PLEKHG6: variants seen among roughly 807,000 people sequenced by gnomAD.
PLEKHG6 encodes the protein pleckstrin homology and RhoGEF domain containing G6, also known as pleckstrin homology domain-containing family G member 6.
A neutral mutation model predicts 97.5 loss-of-function variants in PLEKHG6; 91 were observed. That is an observed-to-expected ratio of 0.93 (90% CI 0.79 to 1.11). The LOEUF (loss-of-function observed/expected upper bound fraction) is 1.11. Ranked by LOEUF, PLEKHG6 falls within the 50% of genes most tolerant of loss-of-function variation. PLEKHG6 has a pLI of 0.00. For missense variants in PLEKHG6, 1,044 were observed against 1,031.0 expected (o/e 1.01, Z -0.17); for synonymous variants, 466 against 425.5 (o/e 1.10, Z -1.17).
Position 6,315,708 on chromosome 12 carries a change from C to A in PLEKHG6, c.555+59C>A. 7.8e-7 allele frequency: 1 copy of A among 1,286,746 alleles called. No homozygotes were observed. Among genetic ancestry groups the A allele is most frequent in the Non-Finnish European group, 1.1e-6 (1 of 917,894 alleles). 79.7% of individuals were successfully genotyped at this position (1,286,746 alleles called of 1,614,324 possible). A position where few individuals can be genotyped will look rare whatever the true frequency, so the allele number is the denominator to read the frequency against. ...CTTCCCTGCATGAGCCCCCATCCTC[C>A]CAGACTGGAAGGCAGGTCACTGGGG... is the stretch of plus-strand genomic sequence containing the variant. On this transcript the variant is annotated intron_variant, in intron 5 of 15. Transcript: ENST00000684764. The surrounding 1 kb of genome is among the most constrained non-coding windows in gnomAD (Gnocchi z 4.5).
Position 6,317,996 on chromosome 12 carries a change from T to C in PLEKHG6, c.1155+2T>C. 6.3e-7 allele frequency: 1 copy of C among 1,586,458 alleles called. No homozygotes were observed. The highest frequency in any genetic ancestry group is 1.2e-5 in the South Asian group (1 of 86,908). On this transcript the variant is annotated splice_donor_variant, in intron 10 of 15. Transcript: ENST00000684764. LOFTEE classifies it high-confidence loss of function. ...CCACCCAGTGATGAGGTGGAGAAGGTGAGAGGGCAAAGGGAAGGGACCCAG... is the reference window on the plus strand; with the variant it reads ...CCACCCAGTGATGAGGTGGAGAAGGCGAGAGGGCAAAGGGAAGGGACCCAG...
chr12:6,319,551 GAC>G, intron 13 of PLEKHG6: 1 of 1,533,292 alleles, frequency 6.5e-7, no homozygotes. Context: ...TTTCAGACTG[GAC>G]AATCTGATGT....
At chr12:6,320,089 T>C (rs1330631825) in intron 13 of PLEKHG6, among the ~76,000 whole-genome samples, 1 of 152,080 alleles carries the variant, frequency 6.6e-6, no homozygotes, top group Non-Finnish European at 1.5e-5. Flanking sequence ...ACTGCCCCCA[T>C]TGGTATTGCT....
chr12:6,313,599 C>A (rs535633886), intron 2 of PLEKHG6, 30 bp from the exon 3 acceptor site: 3 of 1,611,962 alleles, frequency 1.9e-6, no homozygotes, highest in East Asian at 2.2e-5. Context: ...AAGGGAGGCA[C>A]CCCCAGAACT....
In PLEKHG6 at chr12:6,318,189, G is replaced by A. The variant is rs2286715; in HGVS notation, c.1156-112G>A. On this transcript the variant is annotated intron_variant, in intron 10 of 15. Transcript: ENST00000684764. ...CCCTGGGAGGCTTTCTCTAGCCCAT[G>A]GGGGAAGGATACAAACAGAAAGGTG... 4.1e-3 allele frequency: 6,267 copies of A among 1,539,206 alleles called. 119 individuals are homozygous for A. The highest frequency in any genetic ancestry group is 0.034 in the South Asian group (2,876 of 85,574).
chr12:6,321,781 C>A (rs1424394146), intron 13 of PLEKHG6, among the ~76,000 whole-genome samples: 2 of 135,920 alleles, frequency 1.5e-5, no homozygotes, highest in Non-Finnish European at 3.1e-5. Flanking sequence ...GAGCCGAGAT[C>A]GCGCCACTGC....
Position 6,318,282 on chromosome 12 carries a change from T to G in PLEKHG6, c.1156-19T>G. 6.2e-7 allele frequency: 1 copy of G among 1,613,660 alleles called. No homozygotes were observed. The highest frequency in any genetic ancestry group is 8.5e-7 in the Non-Finnish European group (1 of 1,179,924). ...GCAGACTGCCGAGCGCCCTGACCCCTCCCCTCTGTGTCCCTCAGAACCTGC... is the reference window on the plus strand; with the variant it reads ...GCAGACTGCCGAGCGCCCTGACCCCGCCCCTCTGTGTCCCTCAGAACCTGC... On this transcript the variant is annotated intron_variant, in intron 10 of 15. Coordinates refer to ENST00000684764, the MANE Select transcript of PLEKHG6 (RefSeq NM_001384598.1).
Position 6,315,234 on chromosome 12 carries a change from T to G in PLEKHG6, c.459+65T>G. 2 of 1,485,664 alleles carry G rather than the reference T, an allele frequency of 1.3e-6. No individual in the cohort carries two copies. The highest frequency in any genetic ancestry group is 1.8e-6 in the Non-Finnish European group (2 of 1,097,864). The allele number at this position is 1,485,664 out of a possible 1,614,324, so 92.0% of individuals were successfully genotyped here. A position where few individuals can be genotyped will look rare whatever the true frequency, so the allele number is the denominator to read the frequency against. Reference sequence around the variant, plus strand: ...GTGAATGCACACACAGATTCTGCTCTAGAGGAGGGAAAGGCCTTGGGAAGT... The same window carrying G: ...GTGAATGCACACACAGATTCTGCTCGAGAGGAGGGAAAGGCCTTGGGAAGT... On this transcript the variant is annotated intron_variant, in intron 4 of 15. Coordinates refer to ENST00000684764, the MANE Select transcript of PLEKHG6 (RefSeq NM_001384598.1). The surrounding 1 kb of genome is among the most constrained non-coding windows in gnomAD (Gnocchi z 4.5).
intron 2 of PLEKHG6, chr12:6,313,288 C>T: frequency 8.8e-7 from 1 of 1,139,106 alleles, no homozygotes; most frequent in South Asian, 1.3e-5. Flanking sequence ...CATGCACCCC[C>T]CATGGTACGG....
rs369970741 is a variant in PLEKHG6, at chr12:6,326,645, C to T, written c.1670+72C>T. The T allele has an allele frequency of 2.8e-5, 37 of 1,332,862 alleles. 1 individual carries two copies. The African/African-American group carries it at 5.0e-4, about 18-fold the overall frequency. 82.6% of individuals were successfully genotyped at this position (1,332,862 alleles called of 1,614,324 possible). A position where few individuals can be genotyped will look rare whatever the true frequency, so the allele number is the denominator to read the frequency against. On this transcript the variant is annotated intron_variant, in intron 14 of 15. Transcript: ENST00000684764. ...GCCATAAGGCTGAGAAATGGCATTA[C>T]TGCACATTTTTGGTGGAATTGGGAA...
intron 8 of PLEKHG6, 30 bp downstream of exon 8, chr12:6,317,443 G>A (rs757672653): frequency 2.5e-6 from 4 of 1,607,980 alleles, no homozygotes; most frequent in African/African-American, 1.3e-5. Flanking sequence ...GGAGGGGGAC[G>A]GGTGCATCTT....
Position 6,317,574 on chromosome 12 carries a change from A to T in PLEKHG6, c.895A>T (p.Arg299Trp). The T allele has an allele frequency of 1.2e-6, 2 of 1,613,872 alleles. No homozygotes were observed. Among genetic ancestry groups the T allele is most frequent in the Non-Finnish European group, 1.7e-6 (2 of 1,180,006 alleles). Reference protein sequence around the residue: ...QWCEKHKRSGRQMLCDLLIKP... With the variant: ...QWCEKHKRSGWQMLCDLLIKP... ...GTGTGAGAAGCACAAGCGCTCTGGGAGGCAGATGCTCTGTGACTTGCTTAT... is the reference window on the plus strand; with the variant it reads ...GTGTGAGAAGCACAAGCGCTCTGGGTGGCAGATGCTCTGTGACTTGCTTAT... The change falls in exon 9 of 16, where the codon AGG (arginine) becomes TGG (tryptophan). Residue 299 changes from arginine (R) to tryptophan (W), a missense_variant. Transcript: ENST00000684764.
At chr12:6,318,212 GTGT>G in intron 10 of PLEKHG6, 86 bp from the exon 11 acceptor site, 1 of 1,585,040 alleles carries the variant, frequency 6.3e-7, no homozygotes, top group Non-Finnish European at 8.6e-7. Context: ...AAACAGAAAG[GTGT>G]TGGTGGCAGA....
chr12:6,315,090 G>A lies in PLEKHG6; in HGVS notation c.380G>A (p.Arg127Gln), dbSNP rs770005727. 49 of 1,613,372 alleles carry A rather than the reference G, an allele frequency of 3.0e-5. No homozygotes were observed. In the East Asian group the frequency reaches 6.9e-4, roughly 23 times the overall value. The change falls in exon 4 of 16, where the codon CGG becomes CAG. Residue 127 changes from arginine (R) to glutamine (Q), a missense_variant. By Grantham distance (43) the Arg-to-Gln change is conservative. Coordinates refer to ENST00000684764, the MANE Select transcript of PLEKHG6 (RefSeq NM_001384598.1). The surrounding 1 kb of genome is among the most constrained non-coding windows in gnomAD (Gnocchi z 4.5). ...CCCCGGCTGCCCCCTGAGGACCGGC[G>A]GCACTGGGAGATAGGAGAGGGTGGC... ...GMPRLPPEDR[R>Q]HWEIGEGGDS...
intron 13 of PLEKHG6, among the ~76,000 whole-genome samples, chr12:6,325,716 TACCATCACC>T (rs771694748): frequency 1.3e-5 from 2 of 152,122 alleles, no homozygotes; most frequent in African/African-American, 2.4e-5. Flanking sequence ...ACACTTATTC[TACCATCACC>T]ACCAACCAGG....
At chr12:6,317,063 G>A (rs1297246997) in intron 7 of PLEKHG6, among the ~76,000 whole-genome samples, 1 of 152,230 alleles carries the variant, frequency 6.6e-6, no homozygotes, top group African/African-American at 2.4e-5. Flanking sequence ...ACTGTGGATA[G>A]AGGGAGCTCA....
chr12:6,326,134 A>G (rs7313550), intron 13 of PLEKHG6, among the ~76,000 whole-genome samples: 78,322 of 151,588 alleles, frequency 0.52, 20,900 homozygotes, highest in African/African-American at 0.65. Context: ...GTGAAACCCC[A>G]TCTCTACTAA....
chr12:6,317,141 G>A (rs1004683499), intron 7 of PLEKHG6, among the ~76,000 whole-genome samples, 162 bp from the exon 8 acceptor site: 1 of 152,216 alleles, frequency 6.6e-6, no homozygotes, highest in Non-Finnish European at 1.5e-5. Flanking sequence ...GCGTAGCCTC[G>A]AGAGCATTCC....
At position 6,315,155 on chromosome 12, in the gene PLEKHG6, G is replaced by C; in HGVS notation, c.445G>C (p.Val149Leu). 6.2e-7 allele frequency: 1 copy of C among 1,611,248 alleles called. No individual in the cohort carries two copies. The highest frequency in any genetic ancestry group is 8.5e-7 in the Non-Finnish European group (1 of 1,179,698). Residue 149 changes from valine to leucine, a missense_variant, in exon 4 of 16, where the codon GTG becomes CTG. Physicochemically the swap from Val to Leu is conservative, Grantham distance 32 (BLOSUM62 1). Transcript: ENST00000684764. This position sits in a 1 kb window ranked among gnomAD's most constrained non-coding sequence, Gnocchi z 4.5. ...LTIEKSWRELVPGHKEMSQEL... is the reference protein window; with the variant it reads ...LTIEKSWRELLPGHKEMSQEL... ...CATCGAGAAGTCCTGGAGGGAGCTG[G>C]TGCCTGGGCACAAGGTGAGCCTGAA...
Sources: gnomAD v4.1 joint callset for allele counts (sites outside exome capture counted in the v4.1 genomes callset) on GRCh38, gnomAD v4.1.1 for gene constraint, Gnocchi (gnomAD v3.1) non-coding constraint, MANE v1.5 for transcripts, NCBI Gene and HGNC (gene_info 2026-07-23, HGNC 2026-07-21) for gene names.